CPEB3: variants seen among roughly 807,000 people sequenced by gnomAD.
CPEB3 encodes the protein cytoplasmic polyadenylation element-binding protein 3.
CPEB3 carries 20 observed loss-of-function variants against 67.2 expected under a neutral mutation model. The ratio of observed to expected loss-of-function variants is 0.30; its 90% confidence interval spans 0.21 to 0.43. CPEB3 has a LOEUF of 0.43. CPEB3 is among the 20% of genes least tolerant of loss of function. CPEB3 has a pLI of 1.00. For synonymous variants in CPEB3, 376 were observed against 393.1 expected, an observed-to-expected ratio of 0.96 and a Z score of 0.51; for missense variants, 746 against 968.6, an observed-to-expected ratio of 0.77 and a Z score of 3.05.
At chr10:92,139,560 A>C (rs1247078019) in intron 6 of CPEB3, among the ~76,000 whole-genome samples, 1 of 152,064 alleles carries the variant, frequency 6.6e-6, no homozygotes, top group East Asian at 1.9e-4. Flanking sequence ...GGTGGGTAAA[A>C]GTGGGCATGG....
chr10:92,184,490 C>T (rs769104619), intron 3 of CPEB3, among the ~76,000 whole-genome samples: 1 of 151,868 alleles, frequency 6.6e-6, no homozygotes, highest in Admixed American at 6.6e-5. Flanking sequence ...CTGTAGTCCC[C>T]GCTACTCGGG....
At chr10:92,112,146 T>TC in intron 6 of CPEB3, among the ~76,000 whole-genome samples, 1 of 125,662 alleles carries the variant, frequency 8.0e-6, no homozygotes, top group Admixed American at 8.3e-5. Context: ...TTTTTTTTTT[T>TC]TTTGAGATGC....
chr10:92,200,400 C>A (rs1849463850), intron 2 of CPEB3, among the ~76,000 whole-genome samples: 1 of 151,926 alleles, frequency 6.6e-6, no homozygotes, highest in Non-Finnish European at 1.5e-5. Context: ...ACAAAATTAG[C>A]CGGGCGTGGT....
intron 1 of CPEB3, among the ~76,000 whole-genome samples, chr10:92,246,384 C>G (rs116271359): frequency 0.016 from 2,447 of 151,766 alleles, 64 homozygotes; most frequent in African/African-American, 0.057. Context: ...AATAAAAATA[C>G]CCTTCATAAC....
At chr10:92,093,848 C>T (rs1843729299) in intron 7 of CPEB3, among the ~76,000 whole-genome samples, 1 of 151,642 alleles carries the variant, frequency 6.6e-6, no homozygotes. Context: ...CCTCACCTAA[C>T]TTTTTGCCTT....
chr10:92,134,487 C>T (rs1230313392), intron 6 of CPEB3, among the ~76,000 whole-genome samples: 1 of 151,862 alleles, frequency 6.6e-6, no homozygotes, highest in African/African-American at 2.4e-5. Context: ...AGGAGAACTA[C>T]AAACCACTGC....
chr10:92,131,843 A>T (rs1845856369), intron 6 of CPEB3, among the ~76,000 whole-genome samples: 1 of 152,316 alleles, frequency 6.6e-6, no homozygotes, highest in Non-Finnish European at 1.5e-5. Flanking sequence ...AAAATCCTTA[A>T]GCTCACAGGT....
At chr10:92,245,325 AC>A in intron 1 of CPEB3, among the ~76,000 whole-genome samples, 1 of 151,814 alleles carries the variant, frequency 6.6e-6, no homozygotes, top group Non-Finnish European at 1.5e-5. Context: ...TTTAGTAGAG[AC>A]AAGGTTTCAC....
chr10:92,280,367 A>AAAG (rs1842216508), intron 1 of CPEB3, among the ~76,000 whole-genome samples: 4 of 129,362 alleles, frequency 3.1e-5, no homozygotes, highest in Non-Finnish European at 3.2e-5. Flanking sequence ...AAAAAAAAAA[A>AAAG]AGAGAGAGAG....
At chr10:92,120,111 A>C (rs1037592874) in intron 6 of CPEB3, among the ~76,000 whole-genome samples, 3 of 143,040 alleles carry the variant, frequency 2.1e-5, no homozygotes, top group East Asian at 2.1e-4. Context: ...AAAAAAAAAA[A>C]AAAAAACCAA....
chr10:92,160,447 T>C (rs1475479548), intron 4 of CPEB3, among the ~76,000 whole-genome samples: 1 of 152,170 alleles, frequency 6.6e-6, no homozygotes, highest in Non-Finnish European at 1.5e-5. Flanking sequence ...CATAATTATA[T>C]GGATGGATTA....
At chr10:92,228,832 G>C (rs1005687363) in intron 2 of CPEB3, among the ~76,000 whole-genome samples, 1 of 151,534 alleles carries the variant, frequency 6.6e-6, no homozygotes, top group African/African-American at 2.4e-5. Flanking sequence ...TCCTGCCTCA[G>C]CCTCCTGAGT....
chr10:92,184,861 G>A (rs1469947269), intron 3 of CPEB3, among the ~76,000 whole-genome samples: 1 of 152,120 alleles, frequency 6.6e-6, no homozygotes, highest in African/African-American at 2.4e-5. Flanking sequence ...GATAAGCACT[G>A]TTAACATTTT....
chr10:92,268,105 C>T (rs1365806050), intron 1 of CPEB3, among the ~76,000 whole-genome samples: 2 of 152,040 alleles, frequency 1.3e-5, no homozygotes, highest in Non-Finnish European at 2.9e-5. Flanking sequence ...CCAGCCACCG[C>T]GACCGGCCGA....
rs1002711395 is a variant in CPEB3 at position 92,165,898 on chromosome 10, G to A, written c.1222+15065C>T. ...ATCTGCAGTGACTTTCTCTACTGAC[G>A]TTTTGAACCCCTCAAAGTTGTCCAT... On this transcript the variant is annotated intron_variant, in intron 4 of 9. Coordinates refer to ENST00000265997, the MANE Select transcript of CPEB3 (RefSeq NM_014912.5). 3.9e-5 allele frequency among the ~76,000 whole-genome samples: 6 copies of A among 152,186 alleles called. No homozygotes were observed. In the East Asian group the frequency reaches 7.7e-4, roughly 20 times the overall value.
rs532546641 is a variant in CPEB3 at position 92,240,288 on chromosome 10, C to G, written c.63G>C (p.Arg21=). Residue 21 remains arginine, a synonymous_variant, in exon 2 of 10, where the codon CGG becomes CGC. Coordinates refer to ENST00000265997, the MANE Select transcript of CPEB3 (RefSeq NM_014912.5). ...ACTCAGGTTGGGGCTGCTGCTGCTG[C>G]CGCTGCTGCTGCTGGGGCTGGGGCT... The part of the protein sequence containing the change: ...KTQPQPQQQQ[R]QQQQPQPESS... 31 of 1,517,180 alleles carry G rather than the reference C, an allele frequency of 2.0e-5. No homozygotes were observed. In the African/African-American group the frequency reaches 4.3e-4, roughly 21 times the overall value. 94.0% of individuals were successfully genotyped at this position (1,517,180 alleles called of 1,614,324 possible).
chr10:92,131,552 T>C (rs183396096), intron 6 of CPEB3, among the ~76,000 whole-genome samples: 252 of 152,338 alleles, frequency 1.7e-3, no homozygotes, highest in Non-Finnish European at 2.9e-3. Context: ...TTTAAGTACC[T>C]AGAGTTAGAT....
At chr10:92,131,834 A>C (rs1011525428) in intron 6 of CPEB3, among the ~76,000 whole-genome samples, 2 of 152,174 alleles carry the variant, frequency 1.3e-5, no homozygotes, top group Admixed American at 6.5e-5. Flanking sequence ...GATGTAAAAA[A>C]AATCCTTAAG....
chr10:92,139,208 T>C (rs1433948744), intron 6 of CPEB3, among the ~76,000 whole-genome samples: 1 of 148,358 alleles, frequency 6.7e-6, no homozygotes, highest in Non-Finnish European at 1.5e-5. Flanking sequence ...ATCCCAGAGG[T>C]GGAGGTTGAA....
Sources: gnomAD v4.1 joint callset for allele counts (sites outside exome capture counted in the v4.1 genomes callset) on GRCh38, gnomAD v4.1.1 for gene constraint, MANE v1.5 for transcripts, NCBI Gene and HGNC (gene_info 2026-07-23, HGNC 2026-07-21) for gene names.